Variants in ZNG1B observed in about 807,000 individuals in gnomAD.
ZNG1B encodes the protein zinc-regulated GTPase metalloprotein activator 1B.
At chr2:113,471,224 G>A in the ZNG1B span, 15 of 1,410,392 alleles carry the variant, frequency 1.1e-5, no homozygotes, top group Non-Finnish European at 1.4e-5. Context: ...CATACTTAAT[G>A]AGGTATATTC....
chr2:113,454,833 A>G, the ZNG1B span: 1 of 1,525,220 alleles, frequency 6.6e-7, no homozygotes, highest in African/African-American at 1.4e-5. Context: ...GAATATGGGG[A>G]TTGATTGTTT....
the ZNG1B span, among the ~76,000 whole-genome samples, chr2:113,463,689 T>C: frequency 6.6e-6 from 1 of 151,964 alleles, no homozygotes; most frequent in Non-Finnish European, 1.5e-5. Context: ...TTATTTACCC[T>C]TTTAAAGCCT....
chr2:113,453,491 G>C, the ZNG1B span, among the ~76,000 whole-genome samples: 3 of 151,120 alleles, frequency 2.0e-5, no homozygotes, highest in African/African-American at 7.3e-5. Flanking sequence ...GACTTCAGGT[G>C]ATCCGCCAGC....
chr2:113,441,083 T>C, the ZNG1B span, among the ~76,000 whole-genome samples: 8 of 152,166 alleles, frequency 5.3e-5, no homozygotes, highest in African/African-American at 1.9e-4. Context: ...AGATTGTGTG[T>C]AAATTTTAGG....
chr2:113,439,753 C>T, the ZNG1B span, among the ~76,000 whole-genome samples: 1 of 152,012 alleles, frequency 6.6e-6, no homozygotes, highest in East Asian at 1.9e-4. Flanking sequence ...TGTGACTCCT[C>T]TGGCTAGATG....
chr2:113,471,068 T>C, the ZNG1B span: 22 of 1,585,448 alleles, frequency 1.4e-5, no homozygotes, highest in South Asian at 2.4e-4. Context: ...CTTCATGCCT[T>C]TGATAGTCTC....
chr2:113,463,975 G>A, the ZNG1B span, among the ~76,000 whole-genome samples: 1 of 152,132 alleles, frequency 6.6e-6, no homozygotes. Flanking sequence ...TAAATCTTGT[G>A]TACCATTGTG....
chr2:113,455,701 A>G, the ZNG1B span: 44 of 922,478 alleles, frequency 4.8e-5, no homozygotes, highest in Non-Finnish European at 6.4e-5. Context: ...TTTGTATCCA[A>G]CCTCATATCT....
chr2:113,489,172 T>G, the ZNG1B span, among the ~76,000 whole-genome samples: 1 of 151,682 alleles, frequency 6.6e-6, no homozygotes. Context: ...GCAGAAACCC[T>G]GCAAGCCAGA....
the ZNG1B span, among the ~76,000 whole-genome samples, chr2:113,486,625 A>G: frequency 1.3e-5 from 2 of 152,210 alleles, no homozygotes; most frequent in African/African-American, 4.8e-5. Flanking sequence ...GCATGGTGGC[A>G]TGTACCTGTA....
the ZNG1B span, among the ~76,000 whole-genome samples, chr2:113,467,184 G>A: frequency 6.7e-6 from 1 of 148,526 alleles, no homozygotes; most frequent in Admixed American, 6.7e-5. Flanking sequence ...TTTTGTAGCT[G>A]ACAAGTACTG....
the ZNG1B span, among the ~76,000 whole-genome samples, chr2:113,443,458 A>C: frequency 6.6e-6 from 1 of 151,648 alleles, no homozygotes. Context: ...CCTGGACAAG[A>C]AAAAAATGCC....
At chr2:113,445,224 T>A in the ZNG1B span, 1 of 729,576 alleles carries the variant, frequency 1.4e-6, no homozygotes, top group South Asian at 2.1e-5. Flanking sequence ...CTTTGGCAGT[T>A]GAATGAATGA....
chr2:113,445,238 G>A, the ZNG1B span: 2 of 645,650 alleles, frequency 3.1e-6, no homozygotes, highest in South Asian at 4.4e-5. Flanking sequence ...TGAATGAACG[G>A]AGTATTTCTT....
At chr2:113,492,177 A>ATACG in the ZNG1B span, among the ~76,000 whole-genome samples, 2 of 140,100 alleles carry the variant, frequency 1.4e-5, no homozygotes, top group Non-Finnish European at 3.1e-5. Context: ...TACGAAAAAG[A>ATACG]TACGTGCACA....
the ZNG1B span, among the ~76,000 whole-genome samples, chr2:113,475,946 G>A: frequency 1.3e-5 from 2 of 152,034 alleles, no homozygotes; most frequent in Non-Finnish European, 2.9e-5. Context: ...TTCAACTTTG[G>A]TGAATCTGAC....
chr2:113,438,835 G>T, the ZNG1B span, among the ~76,000 whole-genome samples: 1 of 152,332 alleles, frequency 6.6e-6, no homozygotes, highest in Non-Finnish European at 1.5e-5. Context: ...TACTGTTTCC[G>T]GGAAATAATA....
At chr2:113,462,301 G>T in the ZNG1B span, 1 of 1,180,520 alleles carries the variant, frequency 8.5e-7, no homozygotes, top group Non-Finnish European at 1.2e-6. Flanking sequence ...TCTACATGAG[G>T]CGTTTTTATT....
the ZNG1B span, among the ~76,000 whole-genome samples, chr2:113,476,848 T>A: frequency 0.28 from 42,141 of 152,004 alleles, 6,463 homozygotes; most frequent in East Asian, 0.53. Context: ...GGGGTCAGGG[T>A]CCCACTTGAG....
Sources: allele counts gnomAD v4.1 joint callset (sites outside exome capture counted in the v4.1 genomes callset), GRCh38; gene constraint gnomAD v4.1.1; transcripts MANE v1.5; gene names NCBI Gene and HGNC (gene_info 2026-07-23, HGNC 2026-07-21).